TMEM236: variants seen among roughly 807,000 people sequenced by gnomAD.
TMEM236 encodes family with sequence similarity 23, member A.
Under a neutral mutation model 14.7 loss-of-function variants are expected in TMEM236, and 11 were observed. That is an observed-to-expected ratio of 0.75 (90% CI 0.47 to 1.24). TMEM236 has a LOEUF of 1.24. TMEM236 is among the 50% of genes most tolerant of loss of function. The pLI is 0.00. For synonymous variants in TMEM236, 182 were observed against 168.6 expected (o/e 1.08, Z -0.62); for missense variants, 464 against 427.3 (o/e 1.09, Z -0.76).
intron 1 of TMEM236, among the ~76,000 whole-genome samples, chr10:17,753,484 T>G (rs1332533591): frequency 1.3e-5 from 2 of 152,178 alleles, no homozygotes; most frequent in African/African-American, 4.8e-5. Flanking sequence ...CACTTATAAA[T>G]GAGAACATGT....
intron 1 of TMEM236, among the ~76,000 whole-genome samples, chr10:17,760,496 G>GT (rs1457259855): frequency 6.6e-6 from 1 of 152,094 alleles, no homozygotes; most frequent in Non-Finnish European, 1.5e-5. Flanking sequence ...TTACTTTGGT[G>GT]TTTTTGATAT....
rs892876559 is a variant in TMEM236, at chr10:17,766,303, G to A, written c.258-5006G>A. ...TTCTACTTTCTATCCAACAGAGCAC[G>A]GTACAGCCAAATTTTCTGCCATTTC... On this transcript the variant is annotated intron_variant, in intron 1 of 3. Transcript: ENST00000377495. Among the ~76,000 whole-genome samples, 336 of 152,194 alleles carry A rather than the reference G, an allele frequency of 2.2e-3. 1 individual carries two copies. The highest frequency in any genetic ancestry group is 7.1e-3 in the African/African-American group (296 of 41,520).
chr10:17,795,454 G>A lies in TMEM236; in HGVS notation c.473-467G>A, dbSNP rs891690542. On this transcript the variant is annotated intron_variant, in intron 3 of 3. Transcript: ENST00000377495. ...ATTAAATGAGATAATATGTGAAAGC[G>A]TATAGCTTAGAAACCAATAATGTTT... Among the ~76,000 whole-genome samples the A allele has an allele frequency of 3.6e-4, 55 of 152,248 alleles. 1 individual carries two copies. Among genetic ancestry groups the A allele is most frequent in the African/African-American group, 9.4e-4 (39 of 41,520 alleles).
At chr10:17,791,873 A>C (rs1205208997) in intron 3 of TMEM236, among the ~76,000 whole-genome samples, 1 of 152,178 alleles carries the variant, frequency 6.6e-6, no homozygotes, top group Non-Finnish European at 1.5e-5. Flanking sequence ...GTGTGATTGC[A>C]GGAGACTCAC....
chr10:17,775,769 C>G (rs892124857), intron 2 of TMEM236, among the ~76,000 whole-genome samples: 5 of 152,142 alleles, frequency 3.3e-5, no homozygotes, highest in African/African-American at 4.8e-5. Context: ...TTACAGGGAG[C>G]CCACTACTGT....
chr10:17,773,122 G>A (rs915435878), intron 2 of TMEM236, among the ~76,000 whole-genome samples: 49 of 152,142 alleles, frequency 3.2e-4, no homozygotes, highest in Non-Finnish European at 5.7e-4. Context: ...CAGAGAATGC[G>A]GCAGTGAACA....
intron 1 of TMEM236, among the ~76,000 whole-genome samples, chr10:17,765,274 G>T (rs1837444679): frequency 6.6e-6 from 1 of 151,906 alleles, no homozygotes; most frequent in Non-Finnish European, 1.5e-5. Flanking sequence ...TCTGTTTTGG[G>T]GTATATAATT....
At chr10:17,780,143 C>T (rs1243722503) in intron 3 of TMEM236, among the ~76,000 whole-genome samples, 5 of 152,144 alleles carry the variant, frequency 3.3e-5, no homozygotes, top group African/African-American at 9.7e-5. Flanking sequence ...CCCTGGAAAC[C>T]ACCATTTCCC....
chr10:17,752,238 A>G lies in TMEM236; in HGVS notation c.-58A>G. The G allele has an allele frequency of 1.2e-6, 2 of 1,613,808 alleles. No homozygotes were observed. Among genetic ancestry groups the G allele is most frequent in the South Asian group, 1.1e-5 (1 of 91,020 alleles). ...CCCAGTTCAGTGTCTGTGGGTCCAT[A>G]TGCTGCCCACAGTCAAAGAGGGAGT... On this transcript the variant is annotated 5_prime_UTR_variant, in exon 1 of 4. The change creates a new upstream start codon in the 5' untranslated region. Coordinates refer to ENST00000377495, the MANE Select transcript of TMEM236 (RefSeq NM_001098844.3).
At chr10:17,795,330 T>G (rs1241803165) in intron 3 of TMEM236, among the ~76,000 whole-genome samples, 1 of 152,254 alleles carries the variant, frequency 6.6e-6, no homozygotes, top group African/African-American at 2.4e-5. Flanking sequence ...TGCCCAATAC[T>G]AACTGCATTT....
chr10:17,797,284 TTA>T lies in TMEM236; in HGVS notation c.*781_*782del, dbSNP rs1330391954. 2 of 150,534 alleles carry T rather than the reference TTA, an allele frequency of 1.3e-5. No individual in the cohort carries two copies. Among genetic ancestry groups the T allele is most frequent in the Non-Finnish European group, 2.9e-5 (2 of 67,978 alleles). 9.3% of individuals were successfully genotyped at this position (150,534 alleles called of 1,614,324 possible). A position where few individuals can be genotyped will look rare whatever the true frequency, so the allele number is the denominator to read the frequency against. On this transcript the variant is annotated 3_prime_UTR_variant, in exon 4 of 4. Transcript: ENST00000377495. ...CACACTTGAAATTATTGAATAATTT[TTA>T]GGTTATACTTTTTTTTTTTTTTTTG...
chr10:17,799,354 G>A lies in TMEM236; in HGVS notation c.*2850G>A, dbSNP rs916047961. On this transcript the variant is annotated 3_prime_UTR_variant, in exon 4 of 4. Coordinates refer to ENST00000377495, the MANE Select transcript of TMEM236 (RefSeq NM_001098844.3). ...CAGTGCCTCAAGTGCCAACAGTTTC[G>A]GAGGCCTTGGCAGGCGGATCACTTG... 6 of 152,266 alleles carry A rather than the reference G, an allele frequency of 3.9e-5. No homozygotes were observed. Among genetic ancestry groups the A allele is most frequent in the African/African-American group, 1.4e-4 (6 of 41,400 alleles). 9.4% of individuals were successfully genotyped at this position (152,266 alleles called of 1,614,324 possible).
In TMEM236 at chr10:17,769,180, G is replaced by A. The variant is rs982957891; in HGVS notation, c.258-2129G>A. 3.8e-4 allele frequency among the ~76,000 whole-genome samples: 58 copies of A among 152,290 alleles called. No homozygotes were observed. The East Asian group carries it at 0.011, about 29-fold the overall frequency. On this transcript the variant is annotated intron_variant, in intron 1 of 3. Coordinates refer to ENST00000377495, the MANE Select transcript of TMEM236 (RefSeq NM_001098844.3). The stretch of plus-strand genomic sequence containing the variant: ...CTAGGCAAGAATAGAACCACCAACA[G>A]GAAACCAGTTAGGAAATACGGCAGA...
intron 3 of TMEM236, among the ~76,000 whole-genome samples, chr10:17,777,876 T>A (rs1294106372): frequency 2.0e-5 from 3 of 152,114 alleles, no homozygotes; most frequent in Non-Finnish European, 4.4e-5. Flanking sequence ...GTAGCTGGGA[T>A]TGCAGGCATG....
intron 3 of TMEM236, among the ~76,000 whole-genome samples, chr10:17,782,593 A>G (rs1490313212): frequency 1.3e-5 from 2 of 152,108 alleles, no homozygotes; most frequent in Non-Finnish European, 2.9e-5. Flanking sequence ...CTGGGACTAC[A>G]GCCGTGCACC....
At chr10:17,778,584 T>C (rs1837695716) in intron 3 of TMEM236, among the ~76,000 whole-genome samples, 1 of 152,142 alleles carries the variant, frequency 6.6e-6, no homozygotes, top group Non-Finnish European at 1.5e-5. Context: ...ATGAACAAGA[T>C]CTAGAATAAT....
chr10:17,761,673 G>T (rs1837365219), intron 1 of TMEM236, among the ~76,000 whole-genome samples: 3 of 133,432 alleles, frequency 2.2e-5, no homozygotes, highest in Non-Finnish European at 4.6e-5. Context: ...CAGCCTGGGT[G>T]ACAGAGTGAG....
At chr10:17,789,863 T>C (rs1804551201) in intron 3 of TMEM236, among the ~76,000 whole-genome samples, 2 of 135,972 alleles carry the variant, frequency 1.5e-5, no homozygotes, top group South Asian at 4.6e-4. Flanking sequence ...CTACTAAAAA[T>C]ACAAAAAAAA....
At chr10:17,775,908 C>A in intron 2 of TMEM236, 121 bp from the exon 3 acceptor site, 7 of 1,312,540 alleles carry the variant, frequency 5.3e-6, no homozygotes, top group Admixed American at 1.8e-5. Flanking sequence ...TAAAAACCAA[C>A]CTTCTAGTTT....
Sources: gnomAD v4.1 joint callset for allele counts (sites outside exome capture counted in the v4.1 genomes callset) on GRCh38, gnomAD v4.1.1 for gene constraint, MANE v1.5 for transcripts, NCBI Gene and HGNC (gene_info 2026-07-23, HGNC 2026-07-21) for gene names.